Variants in IQGAP2 observed in about 807,000 individuals in gnomAD.
IQGAP2 encodes ras GTPase-activating-like protein IQGAP2.
IQGAP2 carries 173 observed loss-of-function variants against 201.3 expected under a neutral mutation model. The ratio of observed to expected loss-of-function variants is 0.86; its 90% CI spans 0.76 to 0.98. The LOEUF (loss-of-function observed/expected upper bound fraction) is 0.98, where lower values mean the gene tolerates loss of function less well. IQGAP2 is among the 50% of genes least tolerant of loss of function. The probability of loss-of-function intolerance (pLI) is 0.00; values close to 1 mark genes in which losing one functional copy is unlikely to be tolerated. For missense variants in IQGAP2, 1,687 were observed against 1,864.8 expected (o/e 0.90, Z 1.76); for synonymous variants, 675 against 673.9 (o/e 1.00, Z -0.03).
rs139973227 is a variant in IQGAP2 at position 76,706,007 on chromosome 5, G to A, written c.4615-1193G>A. Among the ~76,000 whole-genome samples the A allele has an allele frequency of 8.3e-4, 126 of 152,256 alleles. 5 individuals carry two copies. The East Asian group carries it at 0.021, about 25-fold the overall frequency. The stretch of plus-strand genomic sequence containing the variant: ...GCAGTGAAAAACAGAATGACAGTTC[G>A]ACTTAAGAATGAGGGCTTGTTCTCA... On this transcript the variant is annotated intron_variant, in intron 35 of 35. Coordinates refer to ENST00000274364, the MANE Select transcript of IQGAP2 (RefSeq NM_006633.5).
intron 10 of IQGAP2, among the ~76,000 whole-genome samples, chr5:76,598,569 G>A (rs909368390): frequency 1.3e-4 from 20 of 152,302 alleles, no homozygotes; most frequent in Admixed American, 3.3e-4. Context: ...TTAACCCAGC[G>A]TAGGGATAGA....
chr5:76,412,623 T>G (rs922987683), intron 1 of IQGAP2, among the ~76,000 whole-genome samples: 1 of 152,360 alleles, frequency 6.6e-6, no homozygotes, highest in Middle Eastern at 3.4e-3. Flanking sequence ...ATGCCTAGAT[T>G]CAGTATCTAG....
At chr5:76,451,256 C>G (rs904334601) in intron 1 of IQGAP2, among the ~76,000 whole-genome samples, 1 of 152,146 alleles carries the variant, frequency 6.6e-6, no homozygotes, top group African/African-American at 2.4e-5. Flanking sequence ...TTTTTCTTCC[C>G]CCATACCGTG....
chr5:76,586,716 A>G (rs1746276487), intron 5 of IQGAP2, among the ~76,000 whole-genome samples: 1 of 152,236 alleles, frequency 6.6e-6, no homozygotes. Flanking sequence ...CCCACCTGTC[A>G]TAAGCCACAT....
At chr5:76,426,777 T>C (rs191450333) in intron 1 of IQGAP2, among the ~76,000 whole-genome samples, 141 of 152,210 alleles carry the variant, frequency 9.3e-4, no homozygotes, top group Admixed American at 4.9e-3. Flanking sequence ...CTGTGCTGCA[T>C]GGGTAATGAG....
chr5:76,464,671 TG>T (rs376392123), intron 2 of IQGAP2, among the ~76,000 whole-genome samples: 43 of 152,314 alleles, frequency 2.8e-4, no homozygotes, highest in African/African-American at 9.9e-4. Flanking sequence ...TCTTTTATTT[TG>T]GTTTTATTAA....
At chr5:76,666,562 CA>C (rs769228045) in intron 22 of IQGAP2, among the ~76,000 whole-genome samples, 14 of 152,192 alleles carry the variant, frequency 9.2e-5, no homozygotes, top group Non-Finnish European at 1.8e-4. Flanking sequence ...ACTTGATCCG[CA>C]AACAATCCAA....
chr5:76,484,813 TC>T (rs1756013649), intron 2 of IQGAP2, among the ~76,000 whole-genome samples: 7 of 151,512 alleles, frequency 4.6e-5, no homozygotes, highest in African/African-American at 9.7e-5. Flanking sequence ...TTTCTCTCTC[TC>T]TCTCTCTTTT....
chr5:76,474,565 G>T (rs1755299603), intron 2 of IQGAP2, among the ~76,000 whole-genome samples: 1 of 152,138 alleles, frequency 6.6e-6, no homozygotes, highest in Non-Finnish European at 1.5e-5. Flanking sequence ...TCCCTGGGTT[G>T]CTTTTTTGTT....
chr5:76,634,867 C>T (rs1048067481), intron 15 of IQGAP2, among the ~76,000 whole-genome samples: 2 of 151,602 alleles, frequency 1.3e-5, no homozygotes, highest in Middle Eastern at 3.4e-3. Flanking sequence ...GTGGAATGTT[C>T]ATCACCTCTT....
At position 76,637,085 on chromosome 5, in the gene IQGAP2, A is replaced by G. The variant is rs530310707; in HGVS notation, c.1832A>G (p.Tyr611Cys). ...LKLNLHKKYD[Y>C]YYNTDSKESS... is the part of the protein sequence containing the mutation. ...CTCAACCTGCACAAAAAATATGACT[A>G]CTATTACAACACTGATTCAAAAGAG... is the stretch of plus-strand genomic sequence containing the variant. Residue 611 changes from tyrosine to cysteine, a missense_variant, in exon 16 of 36, where the codon TAC becomes TGC. Transcript: ENST00000274364. 29 of 1,611,348 alleles carry G rather than the reference A, an allele frequency of 1.8e-5. No individual in the cohort carries two copies. The highest frequency in any genetic ancestry group is 1.5e-4 in the Admixed American group (9 of 59,862).
intron 5 of IQGAP2, among the ~76,000 whole-genome samples, chr5:76,581,790 A>G (rs1745869552): frequency 6.6e-6 from 1 of 152,178 alleles, no homozygotes; most frequent in Non-Finnish European, 1.5e-5. Context: ...TTGATATGAT[A>G]TTGGCAGTGA....
chr5:76,431,639 A>G (rs1752372326), intron 1 of IQGAP2, among the ~76,000 whole-genome samples: 1 of 152,132 alleles, frequency 6.6e-6, no homozygotes, highest in Non-Finnish European at 1.5e-5. Context: ...CCTGGCCAAC[A>G]TGGTGAAACC....
At chr5:76,459,503 C>T (rs549995337) in intron 1 of IQGAP2, among the ~76,000 whole-genome samples, 88 of 152,100 alleles carry the variant, frequency 5.8e-4, no homozygotes, top group Non-Finnish European at 9.6e-4. Context: ...ATGGGAAAGT[C>T]TTTAAGCTGA....
intron 21 of IQGAP2, among the ~76,000 whole-genome samples, chr5:76,661,209 C>A (rs1743221181): frequency 8.0e-6 from 1 of 125,176 alleles, no homozygotes; most frequent in African/African-American, 3.2e-5. Flanking sequence ...TTGCTAGTAA[C>A]CTTAACATTT....
intron 1 of IQGAP2, among the ~76,000 whole-genome samples, chr5:76,425,740 G>C (rs917548107): frequency 6.6e-6 from 1 of 152,196 alleles, no homozygotes; most frequent in Non-Finnish European, 1.5e-5. Context: ...ATAGGTCCCA[G>C]GTAGACATTG....
At chr5:76,523,669 T>G (rs1230898541) in intron 2 of IQGAP2, among the ~76,000 whole-genome samples, 1 of 152,144 alleles carries the variant, frequency 6.6e-6, no homozygotes, top group African/African-American at 2.4e-5. Flanking sequence ...CTGAATAGAA[T>G]GGGGGCATCA....
rs1747994102 is a variant in IQGAP2 at position 76,707,311 on chromosome 5, T to G, written c.4726T>G (p.Ter1576GlyextTer20). Residue 1576 changes from the stop codon to glycine (G), a stop_lost, in exon 36 of 36, where the codon TGA (stop) becomes GGA (glycine). Transcript: ENST00000274364. The stretch of plus-strand genomic sequence containing the variant: ...GCTGAACAAGAAGTTCTATGGAAAG[T>G]GAAGTGCCTACAGAAATTTCTTGGA... ...YLLNKKFYGK* is the reference protein window; with the variant it reads ...YLLNKKFYGKG The G allele has an allele frequency of 7.6e-7, 1 of 1,322,488 alleles. No homozygotes were observed. Among genetic ancestry groups the G allele is most frequent in the Non-Finnish European group, 1.1e-6 (1 of 916,390 alleles). The allele number at this position is 1,322,488 out of a possible 1,614,324, so 81.9% of individuals were successfully genotyped here.
At chr5:76,437,907 G>C (rs1752792922) in intron 1 of IQGAP2, among the ~76,000 whole-genome samples, 1 of 151,316 alleles carries the variant, frequency 6.6e-6, no homozygotes, top group South Asian at 2.1e-4. Flanking sequence ...TGGGATTGCT[G>C]GGTCAAATGG....
Sources: gnomAD v4.1 joint callset for allele counts (sites outside exome capture counted in the v4.1 genomes callset) on GRCh38, gnomAD v4.1.1 for gene constraint, MANE v1.5 for transcripts, NCBI Gene and HGNC (gene_info 2026-07-23, HGNC 2026-07-21) for gene names.